Variants in HELZ observed in about 807,000 individuals in gnomAD.
HELZ encodes helicase with zinc finger, also known as ATP-dependent RNA helicase with zinc finger domain.
Under a neutral mutation model 218.2 loss-of-function variants are expected in HELZ, and 23 were observed. That is an observed-to-expected ratio of 0.11 (90% confidence interval 0.08 to 0.15). The LOEUF (loss-of-function observed/expected upper bound fraction) is 0.15. HELZ is among the 10% of genes least tolerant of loss of function. The probability of loss-of-function intolerance (pLI) is 1.00; values close to 1 mark genes in which losing one functional copy is unlikely to be tolerated. For synonymous variants in HELZ, 814 were observed against 829.4 expected (o/e 0.98, Z 0.32); for missense variants, 1,813 against 2,353.7 (o/e 0.77, Z 4.75).
intron 21 of HELZ, among the ~76,000 whole-genome samples, chr17:67,145,091 C>A (rs1206945148): frequency 1.3e-5 from 2 of 152,056 alleles, no homozygotes; most frequent in Non-Finnish European, 1.5e-5. Context: ...AGATCAAGAG[C>A]CATGCCGCCC....
At chr17:67,086,638 ATATAT>A (rs1567787939) in intron 32 of HELZ, among the ~76,000 whole-genome samples, 186 bp downstream of exon 32, 1,335 of 123,036 alleles carry the variant, frequency 0.011, 35 homozygotes, top group East Asian at 0.041. Flanking sequence ...ATAAATATAT[ATATAT>A]ATATATATAT....
chr17:67,146,890 C>T (rs534850996), intron 20 of HELZ, among the ~76,000 whole-genome samples: 1 of 152,268 alleles, frequency 6.6e-6, no homozygotes, highest in East Asian at 1.9e-4. Context: ...GCTTTTGGAG[C>T]ACTGGTCATG....
At chr17:67,195,532 T>C in intron 7 of HELZ, 62 bp from the exon 8 acceptor site, 1 of 897,794 alleles carries the variant, frequency 1.1e-6, no homozygotes, top group East Asian at 2.4e-5. Flanking sequence ...GAACTAAACT[T>C]GAACATTTTC....
chr17:67,197,183 TAGTG>T (rs751511900), intron 7 of HELZ, among the ~76,000 whole-genome samples: 23 of 152,290 alleles, frequency 1.5e-4, no homozygotes, highest in African/African-American at 3.4e-4. Flanking sequence ...GTTCTTGTGG[TAGTG>T]AGTAAGTCTG....
intron 3 of HELZ, among the ~76,000 whole-genome samples, chr17:67,227,777 G>A (rs1234036902): frequency 6.6e-6 from 1 of 152,202 alleles, no homozygotes; most frequent in East Asian, 1.9e-4. Flanking sequence ...GTGACAGTAT[G>A]AGAAGAACCA....
chr17:67,130,418 C>A (rs2037942037), intron 23 of HELZ, among the ~76,000 whole-genome samples: 1 of 151,458 alleles, frequency 6.6e-6, no homozygotes, highest in Non-Finnish European at 1.5e-5. Flanking sequence ...AAATTTTAGA[C>A]CTATATGTAA....
At chr17:67,195,909 T>C (rs2040015567) in intron 7 of HELZ, among the ~76,000 whole-genome samples, 1 of 144,876 alleles carries the variant, frequency 6.9e-6, no homozygotes, top group African/African-American at 2.6e-5. Flanking sequence ...TGGAGTGAAG[T>C]GGCGCAAACT....
chr17:67,214,662 G>A (rs1421993345), intron 5 of HELZ, among the ~76,000 whole-genome samples: 1 of 151,748 alleles, frequency 6.6e-6, no homozygotes, highest in Non-Finnish European at 1.5e-5. Context: ...CCAAATTCTG[G>A]ATGAACAAAA....
intron 32 of HELZ, 71 bp from the exon 33 acceptor site, chr17:67,078,657 T>A: frequency 8.8e-7 from 1 of 1,135,222 alleles, no homozygotes; most frequent in Non-Finnish European, 1.2e-6. Flanking sequence ...ATTCACTCAG[T>A]GTGTCAGAAC....
At position 67,107,273 on chromosome 17, in the gene HELZ, G is replaced by A. The variant is rs372976921; in HGVS notation, c.5137C>T (p.Pro1713Ser). ...TGATGATTCTGTATTTGTACAAAAG[G>A]GTTCTGCGGTGGCCTGTGAGGCAAT... Reference protein sequence around the residue: ...PPLPHRPPQNPFVQIQNHQHA... With the variant: ...PPLPHRPPQNSFVQIQNHQHA... Residue 1713 changes from proline (P) to serine (S), a missense_variant, in exon 31 of 33, where the codon CCT becomes TCT. Pro to Ser is a moderately conservative substitution (Grantham distance 74, BLOSUM62 -1). This residue lies in a region of HELZ where 938 missense variants were observed against 1,027.5 expected (regional missense o/e 0.91). Coordinates refer to ENST00000358691, the MANE Select transcript of HELZ (RefSeq NM_014877.4). The A allele has an allele frequency of 1.2e-6, 2 of 1,614,078 alleles. No homozygotes were observed. Among genetic ancestry groups the A allele is most frequent in the South Asian group, 1.1e-5 (1 of 91,090 alleles).
chr17:67,209,598 AAAAACAAAAC>A (rs906909405), intron 5 of HELZ, among the ~76,000 whole-genome samples: 23 of 152,322 alleles, frequency 1.5e-4, no homozygotes, highest in Middle Eastern at 3.4e-3. Flanking sequence ...ACTCTGTCTC[AAAAACAAAAC>A]AAAACAAAAC....
chr17:67,108,656 C>T lies in HELZ; in HGVS notation c.4560G>A (p.Glu1520=), dbSNP rs776496926. 46 of 1,613,978 alleles carry T rather than the reference C, an allele frequency of 2.9e-5. No individual in the cohort carries two copies. The highest frequency in any genetic ancestry group is 3.7e-5 in the Non-Finnish European group (44 of 1,179,992). Residue 1520 remains glutamate, a synonymous_variant, in exon 30 of 33, where the codon GAG becomes GAA. Coordinates refer to ENST00000358691, the MANE Select transcript of HELZ (RefSeq NM_014877.4). This position sits in a 1 kb window ranked among gnomAD's most constrained non-coding sequence, Gnocchi z 4.1. The part of the protein sequence containing the change: ...QQQARFQQWS[E]HHAFLSQGSA... ...TGCCCTGACTGAGAAAGGCATGATG[C>T]TCGCTCCACTGCTGGAACCGTGCCT...
chr17:67,195,700 T>G (rs1414716564), intron 7 of HELZ, among the ~76,000 whole-genome samples: 1 of 152,106 alleles, frequency 6.6e-6, no homozygotes, highest in South Asian at 2.1e-4. Flanking sequence ...GCCTCCTACA[T>G]AGAAATTAGC....
At chr17:67,172,182 C>T (rs181462051) in intron 13 of HELZ, among the ~76,000 whole-genome samples, 1 of 152,282 alleles carries the variant, frequency 6.6e-6, no homozygotes, top group East Asian at 1.9e-4. Context: ...CAAAGTTCAA[C>T]TTACATTCCA....
intron 23 of HELZ, among the ~76,000 whole-genome samples, chr17:67,131,261 T>C (rs985125016): frequency 6.6e-6 from 1 of 152,146 alleles, no homozygotes; most frequent in African/African-American, 2.4e-5. Flanking sequence ...ATGCTAGAAG[T>C]TGCTCTATTT....
rs1567806595 is a variant in HELZ, at chr17:67,108,432, C to G, written c.4724+60G>C. 1 of 1,321,482 alleles carries G rather than the reference C, an allele frequency of 7.6e-7. No homozygotes were observed. Among genetic ancestry groups the G allele is most frequent in the East Asian group, 2.3e-5 (1 of 43,084 alleles). 81.9% of individuals were successfully genotyped at this position (1,321,482 alleles called of 1,614,324 possible). ...AGCTTGAAGCTAAAAGGACTACAGT[C>G]AAAAAAGAGAACAGTGAGGGGGTCG... On this transcript the variant is annotated intron_variant, in intron 30 of 32. Transcript: ENST00000358691. The surrounding 1 kb of genome is among the most constrained non-coding windows in gnomAD (Gnocchi z 4.1).
At chr17:67,086,559 C>T (rs1024623313) in intron 32 of HELZ, among the ~76,000 whole-genome samples, 3 of 141,480 alleles carry the variant, frequency 2.1e-5, no homozygotes, top group South Asian at 4.4e-4. Context: ...CTAGCCTGGG[C>T]GACAAGAGTG....
intron 5 of HELZ, among the ~76,000 whole-genome samples, chr17:67,210,719 G>A (rs2040427357): frequency 6.6e-6 from 1 of 152,050 alleles, no homozygotes; most frequent in Non-Finnish European, 1.5e-5. Flanking sequence ...GTCAAGAGAT[G>A]GAGACCATCC....
chr17:67,189,819 T>G (rs1470270032), intron 10 of HELZ, 123 bp from the exon 11 acceptor site: 3 of 654,456 alleles, frequency 4.6e-6, no homozygotes, highest in Non-Finnish European at 5.4e-6. Context: ...ACCAAAGTAT[T>G]TTATACCTTC....
Sources: allele counts gnomAD v4.1 joint callset (sites outside exome capture counted in the v4.1 genomes callset), GRCh38; gene constraint gnomAD v4.1.1; regional missense constraint gnomAD v4.1.1; non-coding constraint Gnocchi (gnomAD v3.1); transcripts MANE v1.5; gene names NCBI Gene and HGNC (gene_info 2026-07-23, HGNC 2026-07-21).